SIL1: variants seen among roughly 807,000 people sequenced by gnomAD.
The protein encoded by SIL1 is SIL1 nucleotide exchange factor, also known as nucleotide exchange factor SIL1.
SIL1 carries 40 observed loss-of-function variants against 49.1 expected under a neutral mutation model. That is an observed-to-expected ratio of 0.81 (90% CI 0.63 to 1.06). The LOEUF is 1.06. Ranked by LOEUF, SIL1 falls within the 50% of genes least tolerant of loss-of-function variation. SIL1 has a pLI of 0.00. For synonymous variants in SIL1, 253 were observed against 250.8 expected (o/e 1.01, Z -0.08); for missense variants, 500 against 572.6 (o/e 0.87, Z 1.29).
intron 1 of SIL1, among the ~76,000 whole-genome samples, chr5:139,149,162 G>T (rs1198123962): frequency 1.3e-5 from 2 of 151,950 alleles, no homozygotes; most frequent in Non-Finnish European, 2.9e-5. Flanking sequence ...CAGGCACATT[G>T]TTCACTTACT....
intron 3 of SIL1, among the ~76,000 whole-genome samples, chr5:139,068,514 A>G (rs1292842469): frequency 6.6e-6 from 1 of 152,166 alleles, no homozygotes; most frequent in Admixed American, 6.5e-5. Flanking sequence ...GGACGACAGA[A>G]ATAAAGGAAA....
chr5:139,044,045 C>A (rs903552842), intron 4 of SIL1, among the ~76,000 whole-genome samples: 1 of 152,198 alleles, frequency 6.6e-6, no homozygotes, highest in African/African-American at 2.4e-5. Context: ...TTCCTAGAGA[C>A]CTTTTAGGGC....
intron 5 of SIL1, among the ~76,000 whole-genome samples, chr5:139,029,355 T>C (rs556046067): frequency 3.5e-4 from 53 of 152,198 alleles, no homozygotes; most frequent in African/African-American, 1.2e-3. Context: ...ATAAAAAGGA[T>C]GAAATGACAC....
chr5:139,094,165 A>C (rs1770404726), intron 3 of SIL1, among the ~76,000 whole-genome samples: 1 of 152,242 alleles, frequency 6.6e-6, no homozygotes, highest in South Asian at 2.1e-4. Flanking sequence ...AAAAGTGGAA[A>C]AGAAACAATA....
intron 3 of SIL1, among the ~76,000 whole-genome samples, chr5:139,064,149 T>C (rs752380129): frequency 4.6e-5 from 7 of 152,214 alleles, no homozygotes; most frequent in Non-Finnish European, 8.8e-5. Flanking sequence ...TATGGTTCTA[T>C]GAATTATTTC....
rs34973744 is a variant in SIL1 at position 139,050,715 on chromosome 5, C to T, written c.353+223G>A. Among the ~76,000 whole-genome samples the T allele has an allele frequency of 6.6e-4, 100 of 152,256 alleles. No homozygotes were observed. The Middle Eastern group carries it at 0.041, about 62-fold the overall frequency. Reference sequence around the variant, plus strand: ...TCATTTTTAAAGCAGGTTAAGCATTCCCCCTACAGCCTTTTTTAAAGTATC... The same window carrying T: ...TCATTTTTAAAGCAGGTTAAGCATTTCCCCTACAGCCTTTTTTAAAGTATC... On this transcript the variant is annotated intron_variant, in intron 4 of 9. Transcript: ENST00000394817.
At chr5:138,950,727 A>G (rs1766750975) in intron 9 of SIL1, among the ~76,000 whole-genome samples, 1 of 152,208 alleles carries the variant, frequency 6.6e-6, no homozygotes, top group Non-Finnish European at 1.5e-5. Context: ...GAGACTCTCA[A>G]GGGCAGCCAC....
chr5:139,150,580 G>A (rs1190018858), intron 1 of SIL1, among the ~76,000 whole-genome samples: 3 of 152,110 alleles, frequency 2.0e-5, no homozygotes, highest in African/African-American at 7.2e-5. Flanking sequence ...GCAAAATGAG[G>A]AAGCCAAAGG....
chr5:139,185,268 C>T (rs1401115931), intron 1 of SIL1, among the ~76,000 whole-genome samples: 1 of 152,184 alleles, frequency 6.6e-6, no homozygotes, highest in African/African-American at 2.4e-5. Context: ...CTGGTTCCTG[C>T]CTGGTGCCCT....
At chr5:138,982,631 C>G (rs1767553263) in intron 7 of SIL1, among the ~76,000 whole-genome samples, 1 of 152,196 alleles carries the variant, frequency 6.6e-6, no homozygotes, top group Non-Finnish European at 1.5e-5. Context: ...GCAGGAGAGG[C>G]CAAGGGGTTT....
At chr5:139,178,854 G>T (rs1261074336) in intron 1 of SIL1, among the ~76,000 whole-genome samples, 1 of 152,046 alleles carries the variant, frequency 6.6e-6, no homozygotes, top group Non-Finnish European at 1.5e-5. Flanking sequence ...TCTCTGGAAT[G>T]TAACAGATGT....
chr5:138,951,025 T>C, intron 9 of SIL1, 146 bp downstream of exon 9: 1 of 935,832 alleles, frequency 1.1e-6, no homozygotes. Flanking sequence ...GTCCCCAATC[T>C]CTTCCAACTG....
intron 3 of SIL1, among the ~76,000 whole-genome samples, chr5:139,062,875 C>T (rs1297755435): frequency 6.6e-6 from 1 of 152,222 alleles, no homozygotes; most frequent in Non-Finnish European, 1.5e-5. Flanking sequence ...TTACCATGTG[C>T]CCACAAAGGG....
At chr5:139,185,587 A>G (rs1465070757) in intron 1 of SIL1, among the ~76,000 whole-genome samples, 1 of 152,236 alleles carries the variant, frequency 6.6e-6, no homozygotes, top group African/African-American at 2.4e-5. Flanking sequence ...CTGTATATGC[A>G]TATGTTTCAA....
intron 1 of SIL1, among the ~76,000 whole-genome samples, chr5:139,131,134 T>A (rs918900894): frequency 6.6e-6 from 1 of 152,198 alleles, no homozygotes; most frequent in Non-Finnish European, 1.5e-5. Context: ...GAAAACCTTA[T>A]GAAAATTCAG....
chr5:139,075,055 C>A (rs1769919084), intron 3 of SIL1, among the ~76,000 whole-genome samples: 1 of 152,130 alleles, frequency 6.6e-6, no homozygotes, highest in Admixed American at 6.5e-5. Context: ...GAACTTCTGA[C>A]CTCATGATCT....
chr5:139,192,360 T>C (rs567612876), intron 1 of SIL1, among the ~76,000 whole-genome samples: 19 of 152,330 alleles, frequency 1.2e-4, no homozygotes, highest in Admixed American at 4.6e-4. Flanking sequence ...GAGATGGAAG[T>C]AGCCAGATGT....
At chr5:139,110,071 A>G (rs1159305391) in intron 3 of SIL1, among the ~76,000 whole-genome samples, 3 of 151,846 alleles carry the variant, frequency 2.0e-5, no homozygotes, top group Admixed American at 6.6e-5. Context: ...CAGGAGGCTG[A>G]GGCAGGAGAA....
intron 1 of SIL1, among the ~76,000 whole-genome samples, chr5:139,161,991 C>A (rs1442102536): frequency 6.7e-6 from 1 of 150,150 alleles, no homozygotes; most frequent in Non-Finnish European, 1.5e-5. Context: ...CCAGCCTGGG[C>A]AACAGAGAGA....
Sources: gnomAD v4.1 joint callset for allele counts (sites outside exome capture counted in the v4.1 genomes callset) on GRCh38, gnomAD v4.1.1 for gene constraint, MANE v1.5 for transcripts, NCBI Gene and HGNC (gene_info 2026-07-23, HGNC 2026-07-21) for gene names.